Variants in OR2T10 observed in about 807,000 individuals in gnomAD.
OR2T10 encodes olfactory receptor family 2 subfamily T member 10, also known as olfactory receptor 2T10.
For missense variants in OR2T10, 335 were observed against 382.5 expected (o/e 0.88, Z 1.04); for synonymous variants, 125 against 141.8 (o/e 0.88, Z 0.84).
In OR2T10 at chr1:248,593,571, G is replaced by C. The variant is rs1459608342; in HGVS notation, c.198C>G (p.Leu66=). 2.0e-5 allele frequency: 32 copies of C among 1,567,582 alleles called. 3 individuals are homozygous for C. Among genetic ancestry groups the C allele is most frequent in the Middle Eastern group, 1.7e-4 (1 of 5,970 alleles). ...HTPMYFFINQ[L]SLIDLTYISV... ...AAATATATGTCAAGTCTATGAGTGAGAGCTGGTTTATAAAGAAGTACATGG... is the reference window on the plus strand; with the variant it reads ...AAATATATGTCAAGTCTATGAGTGACAGCTGGTTTATAAAGAAGTACATGG... The change falls in exon 2 of 2, where the codon CTC becomes CTG. Residue 66 remains leucine (L), a synonymous_variant. Coordinates refer to ENST00000642090, the MANE Select transcript of OR2T10 (RefSeq NM_001004693.2).
Position 248,592,802 on chromosome 1 carries a change from AG to A in OR2T10, c.*27del, listed in dbSNP as rs1660030155. Reference sequence around the variant, plus strand: ...TAAAGTGAAGAGAGACTCTAAGAAGAGAGGACCAACTTAAGTTCTTTCACAC... The same window carrying A: ...TAAAGTGAAGAGAGACTCTAAGAAGAAGGACCAACTTAAGTTCTTTCACAC... On this transcript the variant is annotated 3_prime_UTR_variant, in exon 2 of 2. Transcript: ENST00000642090. The A allele has an allele frequency of 7.0e-6, 9 of 1,294,930 alleles. 1 individual carries two copies. The highest frequency in any genetic ancestry group is 9.7e-6 in the Non-Finnish European group (9 of 930,890). The allele number at this position is 1,294,930 out of a possible 1,614,324, so 80.2% of individuals were successfully genotyped here.
Position 248,593,491 on chromosome 1 carries a change from G to A in OR2T10, c.278C>T (p.Ser93Leu), listed in dbSNP as rs767587162. 7.6e-6 allele frequency: 12 copies of A among 1,572,474 alleles called. 2 individuals are homozygous for A. Among genetic ancestry groups the A allele is most frequent in the Admixed American group, 6.9e-5 (4 of 58,340 alleles). ...VNQLAKDKTI[S>L]VLGCGTQMYF... ...CATCTGGGTGCCACACCCAAGGACCGAGATGGTCTTGTCTTTGGCCAGCTG... is the reference window on the plus strand; with the variant it reads ...CATCTGGGTGCCACACCCAAGGACCAAGATGGTCTTGTCTTTGGCCAGCTG... Residue 93 changes from serine to leucine, a missense_variant, in exon 2 of 2, where the codon TCG (serine) becomes TTG (leucine). Physicochemically the swap from Ser to Leu is moderately radical, Grantham distance 145. Transcript: ENST00000642090.
In OR2T10 at chr1:248,591,280, C is replaced by CA. The variant is rs1659994779; in HGVS notation, c.*1549dup. 7.0e-6 allele frequency: 1 copy of CA among 143,386 alleles called. No homozygotes were observed. Among genetic ancestry groups the CA allele is most frequent in the South Asian group, 2.2e-4 (1 of 4,558 alleles). The allele number at this position is 143,386 out of a possible 1,614,324, so 8.9% of individuals were successfully genotyped here. On this transcript the variant is annotated 3_prime_UTR_variant, in exon 2 of 2. Transcript: ENST00000642090. ...CATAAAACGTGACCCCTACACACTC[C>CA]AAGACCCCTCTCCTGCTCAAGATTT... is the stretch of plus-strand genomic sequence containing the variant.
rs747287619 is a variant in OR2T10, at chr1:248,593,636, A to G, written c.133T>C (p.Leu45=). 2.8e-5 allele frequency: 43 copies of G among 1,561,986 alleles called. 4 individuals carry two copies. Among genetic ancestry groups the G allele is most frequent in the Middle Eastern group, 1.7e-4 (1 of 5,988 alleles). The change falls in exon 2 of 2, where the codon TTG becomes CTG. Residue 45 remains leucine (L), a synonymous_variant. Coordinates refer to ENST00000642090, the MANE Select transcript of OR2T10 (RefSeq NM_001004693.2). ...GAGTCAATGTGGATCAGAAGTATCA[A>G]TGTAATATTCCAAGACACAGCCATC... ...FLMAVSWNIT[L]ILLIHIDSSL...
rs970436650 is a variant in OR2T10 at position 248,594,584 on chromosome 1, C to CA, written c.-28-789dup. Among the ~76,000 whole-genome samples, 16 of 141,596 alleles carry CA rather than the reference C, an allele frequency of 1.1e-4. 3 individuals carry two copies. Among genetic ancestry groups the CA allele is most frequent in the African/African-American group, 2.8e-4 (10 of 36,082 alleles). 92.9% of individuals were successfully genotyped at this position (141,596 alleles called of 152,430 possible). A position where few individuals can be genotyped will look rare whatever the true frequency, so the allele number is the denominator to read the frequency against. On this transcript the variant is annotated intron_variant, in intron 1 of 1. Transcript: ENST00000642090. ...TGTTTCTGCCAATCTTTCAAGATATCAAAAAAAAATTATGGCTATCTCAGA... is the reference window on the plus strand; with the variant it reads ...TGTTTCTGCCAATCTTTCAAGATATCAAAAAAAAAATTATGGCTATCTCAGA...
chr1:248,593,377 C>A lies in OR2T10; in HGVS notation c.392G>T (p.Arg131Leu), dbSNP rs538661920. Residue 131 changes from arginine to leucine, a missense_variant, in exon 2 of 2, where the codon CGT becomes CTT. Physicochemically the swap from Arg to Leu is moderately radical, Grantham distance 102. Transcript: ENST00000642090. ...CCTATGGCTCATGAGCACAGAGTAA[C>A]GGAGAGGATGGCAGATAGCCACATA... ...DRYVAICHPL[R>L]YSVLMSHRVC... 3.8e-6 allele frequency: 6 copies of A among 1,572,402 alleles called. 1 individual carries two copies. The Admixed American group carries it at 5.1e-5, about 13-fold the overall frequency.
chr1:248,594,352 A>G (rs1660061305), intron 1 of OR2T10, among the ~76,000 whole-genome samples: 1 of 143,762 alleles, frequency 7.0e-6, no homozygotes, highest in Non-Finnish European at 1.5e-5. Flanking sequence ...AAACCCTTAT[A>G]TAACGTTACA....
Position 248,593,291 on chromosome 1 carries a change from T to C in OR2T10, c.478A>G (p.Thr160Ala). ...FVGSVDGFMLTPIAMSFPFCR... is the reference protein window; with the variant it reads ...FVGSVDGFMLAPIAMSFPFCR... ...AAGGGGAAGCTCATGGCGATGGGAG[T>C]GAGCATGAAGCCATCCACTGAGCCC... Residue 160 changes from threonine to alanine, a missense_variant, in exon 2 of 2, where the codon ACT becomes GCT. Thr to Ala is a moderately conservative substitution (Grantham distance 58, BLOSUM62 0). Coordinates refer to ENST00000642090, the MANE Select transcript of OR2T10 (RefSeq NM_001004693.2). 6.4e-7 allele frequency: 1 copy of C among 1,571,584 alleles called. No homozygotes were observed. The highest frequency in any genetic ancestry group is 1.7e-4 in the Middle Eastern group (1 of 5,972).
At chr1:248,594,071 T>G (rs1359301533) in intron 1 of OR2T10, among the ~76,000 whole-genome samples, 2 of 140,812 alleles carry the variant, frequency 1.4e-5, no homozygotes, top group African/African-American at 5.9e-5. Flanking sequence ...TTATTTTTAC[T>G]TATATATGTT....
chr1:248,593,971 A>G (rs1660055408), intron 1 of OR2T10, among the ~76,000 whole-genome samples, 175 bp from the exon 2 acceptor site: 1 of 143,394 alleles, frequency 7.0e-6, no homozygotes, highest in Admixed American at 6.8e-5. Flanking sequence ...TTCCCCATCT[A>G]GAATGGGAAT....
rs187138379 is a variant in OR2T10, at chr1:248,592,174, C to A, written c.*656G>T. On this transcript the variant is annotated 3_prime_UTR_variant, in exon 2 of 2. Coordinates refer to ENST00000642090, the MANE Select transcript of OR2T10 (RefSeq NM_001004693.2). ...TGGGAGGTTTGACTTCTTATATGCT[C>A]ACAGAAAATAAGAATTTGATTGAGA... 2 of 144,048 alleles carry A rather than the reference C, an allele frequency of 1.4e-5. No homozygotes were observed. Among genetic ancestry groups the A allele is most frequent in the East Asian group, 4.0e-4 (2 of 4,982 alleles). The allele number at this position is 144,048 out of a possible 1,614,324, so 8.9% of individuals were successfully genotyped here. A position where few individuals can be genotyped will look rare whatever the true frequency, so the allele number is the denominator to read the frequency against.
rs1363172186 is a variant in OR2T10 at position 248,592,795 on chromosome 1, TAAGAA to T, written c.*30_*34del. On this transcript the variant is annotated 3_prime_UTR_variant, in exon 2 of 2. Coordinates refer to ENST00000642090, the MANE Select transcript of OR2T10 (RefSeq NM_001004693.2). The stretch of plus-strand genomic sequence containing the variant: ...GGACACCTAAAGTGAAGAGAGACTC[TAAGAA>T]GAGAGGACCAACTTAAGTTCTTTCA... 9 of 1,244,772 alleles carry T rather than the reference TAAGAA, an allele frequency of 7.2e-6. 1 individual carries two copies. Among genetic ancestry groups the T allele is most frequent in the Non-Finnish European group, 6.8e-6 (6 of 888,584 alleles). 77.1% of individuals were successfully genotyped at this position (1,244,772 alleles called of 1,614,324 possible). A position where few individuals can be genotyped will look rare whatever the true frequency, so the allele number is the denominator to read the frequency against.
At chr1:248,597,031 G>GA (rs1660102473) in intron 1 of OR2T10, among the ~76,000 whole-genome samples, 1 of 143,532 alleles carries the variant, frequency 7.0e-6, no homozygotes, top group Non-Finnish European at 1.5e-5. Context: ...ATTTTCAGAG[G>GA]AAAAAATGTT....
Position 248,592,438 on chromosome 1 carries a change from G to A in OR2T10, c.*392C>T, listed in dbSNP as rs560147120. 12 of 153,288 alleles carry A rather than the reference G, an allele frequency of 7.8e-5. 2 individuals are homozygous for A. Among genetic ancestry groups the A allele is most frequent in the East Asian group, 3.6e-4 (2 of 5,620 alleles). The allele number at this position is 153,288 out of a possible 1,614,324, so 9.5% of individuals were successfully genotyped here. A position where few individuals can be genotyped will look rare whatever the true frequency, so the allele number is the denominator to read the frequency against. On this transcript the variant is annotated 3_prime_UTR_variant, in exon 2 of 2. Transcript: ENST00000642090. ...TCGAATGAGGTGGTGAACGAAAAGC[G>A]TTTAGCACAGAGTGGATGCTGAGGA... is the stretch of plus-strand genomic sequence containing the variant.
At position 248,594,362 on chromosome 1, in the gene OR2T10, A is replaced by C. The variant is rs766136117; in HGVS notation, c.-28-566T>G. Among the ~76,000 whole-genome samples, 11 of 143,840 alleles carry C rather than the reference A, an allele frequency of 7.6e-5. 1 individual carries two copies. The highest frequency in any genetic ancestry group is 2.0e-4 in the Admixed American group (3 of 14,758). 94.4% of individuals were successfully genotyped at this position (143,840 alleles called of 152,430 possible). ...ATTCCAAACCCTTATATAACGTTAC[A>C]AATTTAGTCAAATTTCTTTAAATGT... On this transcript the variant is annotated intron_variant, in intron 1 of 1. Transcript: ENST00000642090.
In OR2T10 at chr1:248,593,719, AT is replaced by A; in HGVS notation, c.49del (p.Ile17SerfsTer20). The A allele has an allele frequency of 1.3e-6, 2 of 1,566,980 alleles. 1 individual carries two copies. The highest frequency in any genetic ancestry group is 2.3e-5 in the South Asian group (2 of 88,668). ...GCCAGGGTGTGAGATCTGGCTGAAG[AT>A]TCCCAACAGGAAAAAGTCACCACCC... Reference protein sequence around the residue: ...TLGGDFFLLGIFSQISHPGRL... With the variant: ...TLGGDFFLLGXFSQISHPGRL... On this transcript the variant is annotated frameshift_variant, in exon 2 of 2. Coordinates refer to ENST00000642090, the MANE Select transcript of OR2T10 (RefSeq NM_001004693.2). LOFTEE classifies it low-confidence loss of function (END_TRUNC).
intron 1 of OR2T10, among the ~76,000 whole-genome samples, chr1:248,597,155 A>C (rs1660104307): frequency 7.0e-6 from 1 of 143,250 alleles, no homozygotes; most frequent in African/African-American, 2.7e-5. Context: ...GTACGTTGCA[A>C]GTCACCTAAA....
At chr1:248,596,379 T>A (rs1660090690) in intron 1 of OR2T10, among the ~76,000 whole-genome samples, 1 of 142,540 alleles carries the variant, frequency 7.0e-6, no homozygotes, top group Non-Finnish European at 1.5e-5. Flanking sequence ...TTACAATGAG[T>A]ATAATTATGC....
Position 248,591,301 on chromosome 1 carries a change from G to A in OR2T10, c.*1529C>T, listed in dbSNP as rs1446671698. On this transcript the variant is annotated 3_prime_UTR_variant, in exon 2 of 2. Transcript: ENST00000642090. ...ACTCCAAGACCCCTCTCCTGCTCAA[G>A]ATTTTCCAACACTTTTCTTCTGATA... 1.1e-4 allele frequency: 16 copies of A among 143,346 alleles called. 1 individual carries two copies. Among genetic ancestry groups the A allele is most frequent in the African/African-American group, 4.1e-4 (15 of 36,372 alleles). The allele number at this position is 143,346 out of a possible 1,614,324, so 8.9% of individuals were successfully genotyped here. A position where few individuals can be genotyped will look rare whatever the true frequency, so the allele number is the denominator to read the frequency against.
Sources: gnomAD v4.1 joint callset for allele counts (sites outside exome capture counted in the v4.1 genomes callset) on GRCh38, gnomAD v4.1.1 for gene constraint, MANE v1.5 for transcripts, NCBI Gene and HGNC (gene_info 2026-07-23, HGNC 2026-07-21) for gene names.